ADGRL2: variants seen among roughly 807,000 people sequenced by gnomAD.
The protein encoded by ADGRL2 is adhesion G protein-coupled receptor L2, also known as calcium-independent alpha-latrotoxin receptor 2.
In ADGRL2, 44 loss-of-function variants were observed where a neutral mutation model predicts 157.4. The ratio of observed to expected loss-of-function variants is 0.28; its 90% CI spans 0.22 to 0.36. ADGRL2 has a LOEUF of 0.36. ADGRL2 is among the 10% of genes least tolerant of loss of function. The probability of loss-of-function intolerance (pLI) is 1.00; values close to 1 mark genes in which losing one functional copy is unlikely to be tolerated. For missense variants in ADGRL2, 1,510 were observed against 1,768.9 expected (o/e 0.85, Z 2.63); for synonymous variants, 585 against 624.7 (o/e 0.94, Z 0.95).
At chr1:81,555,104 G>A (rs2080240562) in intron 2 of ADGRL2, among the ~76,000 whole-genome samples, 1 of 151,958 alleles carries the variant, frequency 6.6e-6, no homozygotes, top group Admixed American at 6.6e-5. Context: ...AAAACAAAAT[G>A]AGCCAAGGCA....
intron 2 of ADGRL2, among the ~76,000 whole-genome samples, chr1:81,511,470 C>T (rs997176479): frequency 2.7e-5 from 4 of 150,802 alleles, no homozygotes; most frequent in African/African-American, 9.8e-5. Context: ...CCAAATACTT[C>T]TCAACATACC....
At chr1:81,978,828 C>A (rs1427559942) in intron 17 of ADGRL2, among the ~76,000 whole-genome samples, 1 of 151,770 alleles carries the variant, frequency 6.6e-6, no homozygotes, top group Non-Finnish European at 1.5e-5. Flanking sequence ...GAATTAAATT[C>A]ATCCTTACCT....
chr1:81,501,280 G>A (rs1188060993), intron 2 of ADGRL2, among the ~76,000 whole-genome samples: 1 of 152,136 alleles, frequency 6.6e-6, no homozygotes. Context: ...ATTTTTATGG[G>A]TTTTACCAAG....
intron 17 of ADGRL2, among the ~76,000 whole-genome samples, chr1:81,976,467 A>G (rs1057134608): frequency 6.6e-6 from 1 of 151,994 alleles, no homozygotes; most frequent in Non-Finnish European, 1.5e-5. Context: ...TTCAAGTTGG[A>G]GAATTCAGAC....
chr1:81,703,094 T>A (rs542625879), intron 1 of ADGRL2, among the ~76,000 whole-genome samples: 1 of 152,218 alleles, frequency 6.6e-6, no homozygotes, highest in East Asian at 1.9e-4. Flanking sequence ...AAGCAGCTAG[T>A]GAGTCAGCAA....
At chr1:81,686,736 T>C (rs1224835136) in intron 3 of ADGRL2, among the ~76,000 whole-genome samples, 1 of 152,182 alleles carries the variant, frequency 6.6e-6, no homozygotes, top group Non-Finnish European at 1.5e-5. Flanking sequence ...AGATTGTCTG[T>C]TTGTGCTCTT....
intron 3 of ADGRL2, among the ~76,000 whole-genome samples, chr1:81,584,692 T>C (rs2080987849): frequency 6.6e-6 from 1 of 152,154 alleles, no homozygotes; most frequent in Non-Finnish European, 1.5e-5. Context: ...GCCTGTCATA[T>C]AAACTTCAAC....
chr1:81,990,261 C>A, intron 23 of ADGRL2, 130 bp from the exon 24 acceptor site: 1 of 1,496,752 alleles, frequency 6.7e-7, no homozygotes, highest in Non-Finnish European at 8.8e-7. Flanking sequence ...GAAAGCCTGG[C>A]ACTTTTCAAG....
intron 15 of ADGRL2, 86 bp from the exon 16 acceptor site, chr1:81,970,228 T>G: frequency 1.2e-6 from 1 of 860,964 alleles, no homozygotes; most frequent in Non-Finnish European, 2.0e-6. Flanking sequence ...AATAGTGATT[T>G]CTCTTAGTGA....
At position 81,992,102 on chromosome 1, in the gene ADGRL2, T is replaced by A. The variant is rs979363545; in HGVS notation, c.*957T>A. On this transcript the variant is annotated 3_prime_UTR_variant, in exon 24 of 24. Transcript: ENST00000686636. ...AAGTGATGAAATCTAGAAAAGATTG[T>A]GTGTCACCCCTGTTTATTCTTGAAC... is the stretch of plus-strand genomic sequence containing the variant. 6.6e-6 allele frequency: 1 copy of A among 152,590 alleles called. No individual in the cohort carries two copies. Among genetic ancestry groups the A allele is most frequent in the African/African-American group, 2.4e-5 (1 of 41,436 alleles). The allele number at this position is 152,590 out of a possible 1,614,324, so 9.5% of individuals were successfully genotyped here.
chr1:81,479,460 A>G (rs995225294), intron 2 of ADGRL2, among the ~76,000 whole-genome samples: 1 of 152,136 alleles, frequency 6.6e-6, no homozygotes, highest in African/African-American at 2.4e-5. Context: ...TCCAGAGTAC[A>G]ACAGAGTGAG....
chr1:81,869,052 A>C (rs973334620), intron 2 of ADGRL2, among the ~76,000 whole-genome samples: 3 of 152,186 alleles, frequency 2.0e-5, no homozygotes, highest in African/African-American at 7.2e-5. Context: ...AAAATAGTTT[A>C]GAGATGAAAC....
At chr1:81,802,974 C>T (rs1450997340) in intron 1 of ADGRL2, among the ~76,000 whole-genome samples, 2 of 152,024 alleles carry the variant, frequency 1.3e-5, no homozygotes, top group African/African-American at 4.8e-5. Context: ...CGGGAGGGTG[C>T]AGGGGCCGGG....
At chr1:81,693,711 C>A (rs563663399) in intron 3 of ADGRL2, among the ~76,000 whole-genome samples, 22 of 152,164 alleles carry the variant, frequency 1.4e-4, no homozygotes, top group African/African-American at 5.1e-4. Flanking sequence ...GTTTCTTTAC[C>A]ACTTTGGTTT....
intron 3 of ADGRL2, among the ~76,000 whole-genome samples, chr1:81,586,927 A>C (rs2148569031): frequency 6.6e-6 from 1 of 152,188 alleles, no homozygotes; most frequent in South Asian, 2.1e-4. Context: ...ATAGAGGGAA[A>C]GTTATATAAT....
chr1:81,343,734 C>G (rs1662259080), intron 1 of ADGRL2, among the ~76,000 whole-genome samples: 1 of 150,834 alleles, frequency 6.6e-6, no homozygotes, highest in Non-Finnish European at 1.5e-5. Flanking sequence ...GAGATTGTGA[C>G]AGAGAGAGAG....
intron 2 of ADGRL2, among the ~76,000 whole-genome samples, chr1:81,494,774 A>G (rs2078698490): frequency 6.6e-6 from 1 of 152,112 alleles, no homozygotes; most frequent in African/African-American, 2.4e-5. Context: ...CTTTTGTTTT[A>G]ATACATCAGT....
At chr1:81,617,580 T>C (rs753535031) in intron 3 of ADGRL2, among the ~76,000 whole-genome samples, 1 of 152,258 alleles carries the variant, frequency 6.6e-6, no homozygotes, top group Non-Finnish European at 1.5e-5. Context: ...GAGTACTTGC[T>C]TTCCACCTGG....
At position 81,766,563 on chromosome 1, in the gene ADGRL2, G is replaced by C. The variant is rs2086126954; in HGVS notation, c.-101+4711G>C. ...AAGAAATACAGGGCTGGGCATGGTT[G>C]CTCATGCCTGTAATCCCAGCACTTT... On this transcript the variant is annotated intron_variant, in intron 2 of 20. Coordinates refer to the ADGRL2 transcript ENST00000359929. Among the ~76,000 whole-genome samples the C allele has an allele frequency of 2.6e-5, 4 of 152,212 alleles. No homozygotes were observed. In the South Asian group the frequency reaches 8.3e-4, roughly 32 times the overall value.
Sources: allele counts gnomAD v4.1 joint callset (sites outside exome capture counted in the v4.1 genomes callset), GRCh38; gene constraint gnomAD v4.1.1; transcripts MANE v1.5; gene names NCBI Gene and HGNC (gene_info 2026-07-23, HGNC 2026-07-21).